Variants in PDE11A observed in about 807,000 individuals in gnomAD.
PDE11A encodes dual 3',5'-cyclic-AMP and -GMP phosphodiesterase 11A.
In PDE11A, 100 loss-of-function variants were observed where a neutral mutation model predicts 100.5. That is an observed-to-expected ratio of 1.00 (90% CI 0.85 to 1.18). PDE11A has a LOEUF of 1.18. PDE11A is among the 50% of genes most tolerant of loss of function. The pLI is 0.00. For missense variants in PDE11A, 1,141 were observed against 1,152.6 expected, an observed-to-expected ratio of 0.99 and a Z score of 0.15; for synonymous variants, 381 against 420.8, an observed-to-expected ratio of 0.91 and a Z score of 1.16.
At chr2:177,824,683 A>G (rs1373742580) in intron 6 of PDE11A, among the ~76,000 whole-genome samples, 1 of 152,198 alleles carries the variant, frequency 6.6e-6, no homozygotes, top group Non-Finnish European at 1.5e-5. Context: ...AGCATTATTT[A>G]TCTTAGTGAT....
intron 2 of PDE11A, chr2:177,998,704 G>A: frequency 1.8e-6 from 2 of 1,082,702 alleles, no homozygotes; most frequent in Non-Finnish European, 2.8e-6. Flanking sequence ...TCTTTATGCT[G>A]GCCCACTCGC....
chr2:178,074,864 T>C (rs1217959671), upstream of PDE11A, among the ~76,000 whole-genome samples: 2 of 152,106 alleles, frequency 1.3e-5, no homozygotes, highest in Non-Finnish European at 1.5e-5. Flanking sequence ...GAGTTAATGG[T>C]TGGGGAAGAA....
intron 19 of PDE11A, among the ~76,000 whole-genome samples, chr2:177,660,115 C>CT (rs2080462052): frequency 1.0e-5 from 1 of 98,398 alleles, no homozygotes; most frequent in East Asian, 3.5e-4. Flanking sequence ...CTCTCTCTTT[C>CT]TTTCTTTCTT....
chr2:177,945,794 C>A (rs1265657321), intron 2 of PDE11A, among the ~76,000 whole-genome samples: 8 of 149,552 alleles, frequency 5.3e-5, no homozygotes, highest in Admixed American at 6.6e-5. Context: ...TCAGCCCCCC[C>A]GCCCGGCCAG....
intron 2 of PDE11A, among the ~76,000 whole-genome samples, chr2:178,080,184 T>C (rs1399972803): frequency 1.3e-5 from 2 of 152,200 alleles, no homozygotes. Context: ...TTTGTTGTGA[T>C]TGCTTTTGGT....
chr2:177,789,228 C>T (rs1177085161), intron 9 of PDE11A, among the ~76,000 whole-genome samples: 5 of 150,678 alleles, frequency 3.3e-5, no homozygotes, highest in South Asian at 2.1e-4. Context: ...GCAAGGCTGG[C>T]TCAATATACA....
chr2:178,090,478 C>CT (rs1230573653), intron 2 of PDE11A, among the ~76,000 whole-genome samples: 1 of 151,948 alleles, frequency 6.6e-6, no homozygotes, highest in African/African-American at 2.4e-5. Flanking sequence ...ACCCGCCTGC[C>CT]TTTTTTCATC....
intron 2 of PDE11A, among the ~76,000 whole-genome samples, chr2:178,012,897 A>G (rs1213048549): frequency 1.3e-5 from 2 of 152,198 alleles, no homozygotes; most frequent in Admixed American, 6.5e-5. Flanking sequence ...AAATCTGTAT[A>G]AGAGGCACAT....
intron 15 of PDE11A, among the ~76,000 whole-genome samples, chr2:177,683,654 G>C (rs2080899797): frequency 6.6e-6 from 1 of 152,208 alleles, no homozygotes; most frequent in Non-Finnish European, 1.5e-5. Flanking sequence ...GCTTTGCTGA[G>C]TCTTTTTCCT....
At chr2:177,793,006 A>G (rs1227839438) in intron 9 of PDE11A, among the ~76,000 whole-genome samples, 2 of 152,206 alleles carry the variant, frequency 1.3e-5, no homozygotes, top group Non-Finnish European at 2.9e-5. Context: ...GAGACATGAT[A>G]CTTAAGCTGA....
chr2:177,952,619 A>G (rs557116537), intron 2 of PDE11A, among the ~76,000 whole-genome samples: 1 of 152,126 alleles, frequency 6.6e-6, no homozygotes, highest in South Asian at 2.1e-4. Flanking sequence ...TCAGAAACCC[A>G]TATCCTTCCA....
chr2:177,784,301 A>G (rs2082499454), intron 9 of PDE11A, among the ~76,000 whole-genome samples: 3 of 151,282 alleles, frequency 2.0e-5, no homozygotes. Context: ...AGTGCTCATT[A>G]TACACTAATT....
At chr2:178,095,821 A>C (rs928730000) in intron 2 of PDE11A, among the ~76,000 whole-genome samples, 16 of 152,202 alleles carry the variant, frequency 1.1e-4, no homozygotes, top group African/African-American at 3.6e-4. Context: ...GAAGCTTTCC[A>C]GGCTTGGGGC....
At chr2:177,740,921 G>C (rs535430462) in intron 10 of PDE11A, among the ~76,000 whole-genome samples, 1 of 152,240 alleles carries the variant, frequency 6.6e-6, no homozygotes, top group East Asian at 1.9e-4. Context: ...AACCTCCTGA[G>C]CCAAACAGAT....
At position 177,841,959 on chromosome 2, in the gene PDE11A, A is replaced by C. The variant is rs568034475; in HGVS notation, c.1368-1576T>G. On this transcript the variant is annotated intron_variant, in intron 5 of 19. Coordinates refer to ENST00000286063, the MANE Select transcript of PDE11A (RefSeq NM_016953.4). ...TATGCATCTCATTTCATGAGATGAAATTTTATGTTGTGCTGCAATGAAAGC... is the reference window on the plus strand; with the variant it reads ...TATGCATCTCATTTCATGAGATGAACTTTTATGTTGTGCTGCAATGAAAGC... Among the ~76,000 whole-genome samples, 81 of 152,330 alleles carry C rather than the reference A, an allele frequency of 5.3e-4. 1 individual carries two copies. In the South Asian group the frequency reaches 0.012, roughly 22 times the overall value.
At chr2:177,727,094 T>C (rs1422221850) in intron 12 of PDE11A, among the ~76,000 whole-genome samples, 1 of 152,046 alleles carries the variant, frequency 6.6e-6, no homozygotes, top group Non-Finnish European at 1.5e-5. Context: ...ACTAGATATC[T>C]CCGTGAAACA....
intron 1 of PDE11A, among the ~76,000 whole-genome samples, chr2:178,055,168 T>TA (rs1237350582): frequency 6.6e-6 from 1 of 152,058 alleles, no homozygotes; most frequent in Non-Finnish European, 1.5e-5. Context: ...TATGCAGCCA[T>TA]AAAAAAGGAT....
chr2:177,979,767 C>T lies in PDE11A; in HGVS notation c.1071+34535G>A, dbSNP rs575678165. Among the ~76,000 whole-genome samples, 21 of 149,742 alleles carry T rather than the reference C, an allele frequency of 1.4e-4. 4 individuals are homozygous for T. Among genetic ancestry groups the T allele is most frequent in the South Asian group, 4.4e-4 (2 of 4,548 alleles). ...CTGGGACTACAGGCGCCTGCCACCA[C>T]GCCCGGCTCATTTTTTGTATTTTTA... On this transcript the variant is annotated intron_variant, in intron 2 of 19. Coordinates refer to ENST00000286063, the MANE Select transcript of PDE11A (RefSeq NM_016953.4).
intron 5 of PDE11A, among the ~76,000 whole-genome samples, chr2:177,865,578 ATTC>A (rs2084014472): frequency 6.6e-6 from 1 of 152,214 alleles, no homozygotes; most frequent in South Asian, 2.1e-4. Context: ...CAGCAGCATT[ATTC>A]TTAATAGCCA....
Sources: gnomAD v4.1 joint callset for allele counts (sites outside exome capture counted in the v4.1 genomes callset) on GRCh38, gnomAD v4.1.1 for gene constraint, MANE v1.5 for transcripts, NCBI Gene and HGNC (gene_info 2026-07-23, HGNC 2026-07-21) for gene names.